Variants in TMEM123 observed in about 807,000 individuals in gnomAD.
TMEM123 encodes porimin.
TMEM123 carries 16 observed loss-of-function variants against 19.7 expected under a neutral mutation model. That is an observed-to-expected ratio of 0.81 (90% CI 0.55 to 1.23). The LOEUF (loss-of-function observed/expected upper bound fraction) is 1.23, where lower values mean the gene tolerates loss of function less well. Among genes scored for constraint, TMEM123 ranks in the 50% most tolerant of loss-of-function variants. TMEM123 has a pLI of 0.00. For synonymous variants in TMEM123, 118 were observed against 99.4 expected (o/e 1.19, Z -1.12); for missense variants, 313 against 257.8 (o/e 1.21, Z -1.47).
At chr11:102,417,519 T>C (rs931643292) in intron 2 of TMEM123, among the ~76,000 whole-genome samples, 17 of 151,966 alleles carry the variant, frequency 1.1e-4, no homozygotes, top group Non-Finnish European at 2.1e-4. Context: ...ATAACACAAA[T>C]AGAAAACCAT....
chr11:102,442,446 C>T (rs1373301616), intron 2 of TMEM123, among the ~76,000 whole-genome samples: 1 of 152,132 alleles, frequency 6.6e-6, no homozygotes, highest in Non-Finnish European at 1.5e-5. Flanking sequence ...CGACAAAAAC[C>T]ACATGATAAT....
rs1363286454 is a variant in TMEM123, at chr11:102,449,026, T to A, written c.101-158A>T. Reference sequence around the variant, plus strand: ...TTGGCCCCTGTTGTTATGAAACATATCTTGAAGCTGTCAGTAAAAGGGACT... The same window carrying A: ...TTGGCCCCTGTTGTTATGAAACATAACTTGAAGCTGTCAGTAAAAGGGACT... On this transcript the variant is annotated intron_variant, in intron 1 of 4. Coordinates refer to ENST00000398136, the MANE Select transcript of TMEM123 (RefSeq NM_052932.3). The A allele has an allele frequency of 1.5e-5, 10 of 665,494 alleles. No individual in the cohort carries two copies. In the East Asian group the frequency reaches 2.7e-4, roughly 18 times the overall value. 41.2% of individuals were successfully genotyped at this position (665,494 alleles called of 1,614,324 possible).
At chr11:102,425,360 T>C (rs1565351933) in intron 2 of TMEM123, among the ~76,000 whole-genome samples, 1 of 152,226 alleles carries the variant, frequency 6.6e-6, no homozygotes, top group Non-Finnish European at 1.5e-5. Flanking sequence ...AGCAGTATCA[T>C]TTTATAACAG....
rs1249138223 is a variant in TMEM123 at position 102,398,658 on chromosome 11, G to A, written c.*209C>T. On this transcript the variant is annotated 3_prime_UTR_variant, in exon 5 of 5. Coordinates refer to ENST00000398136, the MANE Select transcript of TMEM123 (RefSeq NM_052932.3). Reference sequence around the variant, plus strand: ...AACTTGCTAAAACCATTGTATGAACGGTCTATAAGGATCCAGATGTTTATT... The same window carrying A: ...AACTTGCTAAAACCATTGTATGAACAGTCTATAAGGATCCAGATGTTTATT... 7.6e-5 allele frequency: 31 copies of A among 406,424 alleles called. No homozygotes were observed. The highest frequency in any genetic ancestry group is 2.2e-4 in the African/African-American group (2 of 9,192). 25.2% of individuals were successfully genotyped at this position (406,424 alleles called of 1,614,324 possible).
chr11:102,425,576 CTTTTTTCTTTTTTT>C (rs1952119722), intron 2 of TMEM123, among the ~76,000 whole-genome samples: 2 of 126,394 alleles, frequency 1.6e-5, no homozygotes, highest in African/African-American at 5.9e-5. Context: ...TTTTTTTTTT[CTTTTTTCTTTTTTT>C]TTTTTTTTTT....
Position 102,426,858 on chromosome 11 carries a change from T to TCC in TMEM123, c.157+21953_157+21954insGG, listed in dbSNP as rs1277837331. ...TCATGGCTTAATGTTTTTAAAGTAG[T>TCC]TCCCCCCCCCCCCCCATTTATTGCT... On this transcript the variant is annotated intron_variant, in intron 2 of 4. Transcript: ENST00000398136. Among the ~76,000 whole-genome samples the TCC allele has an allele frequency of 3.8e-3, 21 of 5,586 alleles. 2 individuals carry two copies. The highest frequency in any genetic ancestry group is 6.4e-3 in the Non-Finnish European group (16 of 2,502). The allele number at this position is 5,586 out of a possible 152,430, so 3.7% of individuals were successfully genotyped here. A position where few individuals can be genotyped will look rare whatever the true frequency, so the allele number is the denominator to read the frequency against.
chr11:102,441,666 TAGC>T (rs1390463683), intron 2 of TMEM123, among the ~76,000 whole-genome samples: 2 of 149,140 alleles, frequency 1.3e-5, no homozygotes, highest in Non-Finnish European at 3.0e-5. Flanking sequence ...ATTCAAAAGC[TAGC>T]AGAAGGCAAG....
At chr11:102,430,513 T>C (rs1472816014) in intron 2 of TMEM123, among the ~76,000 whole-genome samples, 3 of 152,164 alleles carry the variant, frequency 2.0e-5, no homozygotes, top group Admixed American at 6.5e-5. Flanking sequence ...GGAAACAAGC[T>C]TGAGCAATCT....
chr11:102,441,511 A>C (rs1248150648), intron 2 of TMEM123, among the ~76,000 whole-genome samples: 1 of 148,210 alleles, frequency 6.7e-6, no homozygotes, highest in Non-Finnish European at 1.5e-5. Flanking sequence ...CAAAGACACA[A>C]CATACCAGAA....
intron 2 of TMEM123, among the ~76,000 whole-genome samples, chr11:102,415,238 G>A (rs960359233): frequency 9.9e-5 from 15 of 152,068 alleles, no homozygotes; most frequent in Non-Finnish European, 2.1e-4. Flanking sequence ...CAATAGTGGC[G>A]GACTTCAAAA....
rs559589439 is a variant in TMEM123 at position 102,401,527 on chromosome 11, T to C, written c.602+12A>G. 6.4e-7 allele frequency: 1 copy of C among 1,554,442 alleles called. No individual in the cohort carries two copies. The highest frequency in any genetic ancestry group is 1.2e-5 in the South Asian group (1 of 81,098). The stretch of plus-strand genomic sequence containing the variant: ...AATTTTTTTTAAAAAGTCCTGGCCA[T>C]TCAAAACTTACATGGTTCGATACCG... On this transcript the variant is annotated intron_variant, in intron 4 of 4. Coordinates refer to ENST00000398136, the MANE Select transcript of TMEM123 (RefSeq NM_052932.3).
At chr11:102,442,911 CAGAG>C (rs774339624) in intron 2 of TMEM123, among the ~76,000 whole-genome samples, 1 of 152,124 alleles carries the variant, frequency 6.6e-6, no homozygotes, top group African/African-American at 2.4e-5. Context: ...AAAAGACAAA[CAGAG>C]AGCCAAATCA....
At chr11:102,414,691 TAA>T in intron 2 of TMEM123, among the ~76,000 whole-genome samples, 1 of 152,172 alleles carries the variant, frequency 6.6e-6, no homozygotes, top group East Asian at 1.9e-4. Context: ...AAGAGGTCCT[TAA>T]GAGAGGGATA....
intron 2 of TMEM123, among the ~76,000 whole-genome samples, chr11:102,416,774 C>G (rs545422243): frequency 1.3e-5 from 2 of 152,098 alleles, no homozygotes; most frequent in East Asian, 3.9e-4. Context: ...ACTGATCCAC[C>G]AGCACATCAA....
chr11:102,436,206 A>T (rs888608991), intron 2 of TMEM123, among the ~76,000 whole-genome samples: 5 of 152,018 alleles, frequency 3.3e-5, no homozygotes, highest in Non-Finnish European at 7.4e-5. Flanking sequence ...ACTATTGCCC[A>T]GGCTGCAGTG....
intron 2 of TMEM123, 114 bp from the exon 3 acceptor site, chr11:102,402,320 G>T: frequency 1.9e-6 from 2 of 1,067,676 alleles, no homozygotes; most frequent in Non-Finnish European, 2.7e-6. Context: ...AAATACAGCA[G>T]CATTTAACAT....
chr11:102,441,007 A>G (rs1857820097), intron 2 of TMEM123, among the ~76,000 whole-genome samples: 1 of 152,220 alleles, frequency 6.6e-6, no homozygotes, highest in Non-Finnish European at 1.5e-5. Flanking sequence ...TCCTAAATAT[A>G]TATGCACCCA....
intron 2 of TMEM123, among the ~76,000 whole-genome samples, chr11:102,434,460 AGAGTT>A (rs1857742491): frequency 6.6e-6 from 1 of 151,878 alleles, no homozygotes; most frequent in Non-Finnish European, 1.5e-5. Context: ...TTCTTTCTAT[AGAGTT>A]GAGTTCTTAA....
chr11:102,425,370 G>T (rs1952117589), intron 2 of TMEM123, among the ~76,000 whole-genome samples: 1 of 152,146 alleles, frequency 6.6e-6, no homozygotes, highest in African/African-American at 2.4e-5. Flanking sequence ...TTTTATAACA[G>T]GTTATGTGCA....
Sources: gnomAD v4.1 joint callset for allele counts (sites outside exome capture counted in the v4.1 genomes callset) on GRCh38, gnomAD v4.1.1 for gene constraint, MANE v1.5 for transcripts, NCBI Gene and HGNC (gene_info 2026-07-23, HGNC 2026-07-21) for gene names.